Variants in SPINK9 observed in about 807,000 individuals in gnomAD.
SPINK9 encodes the protein serine peptidase inhibitor Kazal type 9, also known as serine protease inhibitor Kazal-type 9.
A neutral mutation model predicts 10.8 loss-of-function variants in SPINK9; 3 were observed. The observed-to-expected ratio is 0.28, with a 90% CI of 0.13 to 0.72. SPINK9 has a LOEUF of 0.72. Among genes scored for constraint, SPINK9 ranks in the 30% least tolerant of loss-of-function variants. SPINK9 has a pLI of 0.74. For missense variants in SPINK9, 101 were observed against 103.2 expected (o/e 0.98, Z 0.09); for synonymous variants, 30 against 31.2 (o/e 0.96, Z 0.12).
upstream of SPINK9, among the ~76,000 whole-genome samples, chr5:148,334,746 A>G (rs1368101506): frequency 1.3e-5 from 2 of 152,128 alleles, no homozygotes; most frequent in Non-Finnish European, 2.9e-5. Context: ...CTCAAACTAC[A>G]TGAGAGCAGT....
upstream of SPINK9, among the ~76,000 whole-genome samples, chr5:148,334,129 T>A (rs539332077): frequency 6.6e-5 from 10 of 151,090 alleles, no homozygotes; most frequent in South Asian, 8.4e-4. Flanking sequence ...ACATTAAGGG[T>A]AGGGGGGATT....
At chr5:148,336,324 G>A in intron 1 of SPINK9, 98 bp from the exon 2 acceptor site, 1 of 1,281,080 alleles carries the variant, frequency 7.8e-7, no homozygotes, top group Non-Finnish European at 1.1e-6. Context: ...ACATTTTTAT[G>A]ACAGGCTGAA....
At chr5:148,323,826 C>T (rs1172712907) in exon 2 of SPINK9, 1 of 701,466 alleles carries the variant, frequency 1.4e-6, no homozygotes, top group African/African-American at 1.7e-5. Flanking sequence ...ACACAATGAA[C>T]CCAGGAGACT....
At chr5:148,331,930 G>A (rs552523335), upstream of SPINK9, among the ~76,000 whole-genome samples, 6 of 152,168 alleles carry the variant, frequency 3.9e-5, no homozygotes, top group African/African-American at 1.4e-4. Flanking sequence ...ACTTTGATAG[G>A]GAATATGTTG....
chr5:148,329,037 T>C (rs1228940306), intron 2 of SPINK9, among the ~76,000 whole-genome samples: 2 of 152,160 alleles, frequency 1.3e-5, no homozygotes, highest in South Asian at 4.1e-4. Flanking sequence ...TTAGGGAGGA[T>C]TCCCTCATTT....
At chr5:148,338,393 C>A (rs1757245172) in intron 2 of SPINK9, 85 bp from the exon 3 acceptor site, 2 of 1,232,756 alleles carry the variant, frequency 1.6e-6, no homozygotes, top group Admixed American at 2.5e-5. Context: ...GCATTGAGAG[C>A]CCTCTGAGCT....
At chr5:148,335,753 A>T (rs534976353) in intron 1 of SPINK9, 85 bp downstream of exon 1, 1 of 1,447,072 alleles carries the variant, frequency 6.9e-7, no homozygotes, top group Admixed American at 1.8e-5. Flanking sequence ...GATATATGTA[A>T]TTCATCACAT....
chr5:148,323,879 C>A, intron 2 of SPINK9: 1 of 688,666 alleles, frequency 1.5e-6, no homozygotes, highest in South Asian at 1.5e-5. Context: ...GTATGTAGCC[C>A]GCGAAAGTAA....
At chr5:148,322,703 T>A (rs1246700555) in intron 1 of SPINK9, among the ~76,000 whole-genome samples, 2 of 152,218 alleles carry the variant, frequency 1.3e-5, no homozygotes, top group African/African-American at 4.8e-5. Context: ...GTTGTAGGGC[T>A]GTAAGTGGCA....
exon 2 of SPINK9, chr5:148,323,803 G>A: frequency 1.4e-6 from 1 of 701,210 alleles, no homozygotes; most frequent in East Asian, 2.7e-5. Context: ...ACTCCACCAA[G>A]CAGCTCAGGA....
intron 1 of SPINK9, among the ~76,000 whole-genome samples, chr5:148,323,467 AT>A (rs1757021947): frequency 6.6e-6 from 1 of 152,308 alleles, no homozygotes; most frequent in South Asian, 2.1e-4. Flanking sequence ...CTGAAGTGTG[AT>A]GCTGATGATA....
chr5:148,339,542 C>T, intron 3 of SPINK9, 125 bp from the exon 4 acceptor site: 2 of 780,628 alleles, frequency 2.6e-6, no homozygotes, highest in South Asian at 3.6e-5. Flanking sequence ...GCAGTCACTC[C>T]TTTTAAAAAC....
intron 1 of SPINK9, 124 bp downstream of exon 1, chr5:148,335,792 A>C: frequency 8.5e-7 from 1 of 1,172,242 alleles, no homozygotes; most frequent in Non-Finnish European, 1.2e-6. Context: ...TTTAAAATGA[A>C]TCTTTTGCCT....
upstream of SPINK9, among the ~76,000 whole-genome samples, chr5:148,332,617 A>G (rs527946757): frequency 1.2e-4 from 18 of 152,354 alleles, no homozygotes; most frequent in South Asian, 3.7e-3. Flanking sequence ...TCTCAAGAAC[A>G]AAATATCAAT....
At chr5:148,326,299 G>C (rs1757058941) in intron 2 of SPINK9, among the ~76,000 whole-genome samples, 1 of 152,170 alleles carries the variant, frequency 6.6e-6, no homozygotes, top group African/African-American at 2.4e-5. Context: ...TGGTGGGATT[G>C]TGAATTAGTA....
intron 2 of SPINK9, among the ~76,000 whole-genome samples, chr5:148,326,124 G>C (rs1757056882): frequency 6.6e-6 from 1 of 152,198 alleles, no homozygotes; most frequent in Non-Finnish European, 1.5e-5. Flanking sequence ...CATACAAATG[G>C]TCAACAGATA....
chr5:148,323,892 T>G, intron 2 of SPINK9: 1 of 688,584 alleles, frequency 1.5e-6, no homozygotes, highest in African/African-American at 1.8e-5. Flanking sequence ...GAAAGTAATT[T>G]AATGTGTATC....
chr5:148,328,485 G>A (rs1037468095), intron 2 of SPINK9, among the ~76,000 whole-genome samples: 9 of 152,188 alleles, frequency 5.9e-5, no homozygotes, highest in Non-Finnish European at 1.3e-4. Context: ...CTAATGGAAT[G>A]CCCTTTATTT....
chr5:148,339,393 T>C (rs546454324), intron 3 of SPINK9, among the ~76,000 whole-genome samples: 1 of 152,182 alleles, frequency 6.6e-6, no homozygotes, highest in Non-Finnish European at 1.5e-5. Flanking sequence ...ACAATTTTTA[T>C]GAAAAGAGAC....
Sources: gnomAD v4.1 joint callset for allele counts (sites outside exome capture counted in the v4.1 genomes callset) on GRCh38, gnomAD v4.1.1 for gene constraint, MANE v1.5 for transcripts, NCBI Gene and HGNC (gene_info 2026-07-23, HGNC 2026-07-21) for gene names.